Variants in DYSF observed in about 807,000 individuals in gnomAD.
DYSF encodes the protein dystrophy-associated fer-1-like 1.
DYSF carries 212 observed loss-of-function variants against 274.9 expected under a neutral mutation model. That is an observed-to-expected ratio of 0.77 (90% CI 0.69 to 0.86). The LOEUF is 0.86. DYSF is among the 40% of genes least tolerant of loss of function. The pLI, the probability that DYSF is intolerant of heterozygous loss-of-function variation, is 0.00. For missense variants in DYSF, 2,666 were observed against 2,783.2 expected, an observed-to-expected ratio of 0.96 and a Z score of 0.95; for synonymous variants, 1,091 against 1,078.7, an observed-to-expected ratio of 1.01 and a Z score of -0.22.
intron 24 of DYSF, among the ~76,000 whole-genome samples, chr2:71,564,744 T>C (rs1334972435): frequency 2.0e-5 from 3 of 152,186 alleles, no homozygotes; most frequent in African/African-American, 4.8e-5. Flanking sequence ...TGTCCCCTGG[T>C]CTCACCAGCC....
chr2:71,473,768 T>C (rs1362800815), intron 1 of DYSF, among the ~76,000 whole-genome samples: 1 of 152,184 alleles, frequency 6.6e-6, no homozygotes, highest in East Asian at 1.9e-4. Flanking sequence ...CATTTTTAAG[T>C]ATACAGTTCT....
intron 17 of DYSF, among the ~76,000 whole-genome samples, chr2:71,545,106 T>C (rs1374953709): frequency 2.0e-5 from 3 of 151,734 alleles, no homozygotes; most frequent in Non-Finnish European, 4.4e-5. Flanking sequence ...TAGGAGGAGG[T>C]GTCTTAGGCT....
intron 22 of DYSF, among the ~76,000 whole-genome samples, chr2:71,560,659 G>A (rs1170675605): frequency 2.6e-5 from 4 of 152,268 alleles, no homozygotes. Flanking sequence ...GCCTGCCAGA[G>A]CGGTGTATCT....
At position 71,669,714 on chromosome 2, in the gene DYSF, C is replaced by G. The variant is rs951145177; in HGVS notation, c.5752C>G (p.Pro1918Ala). 1.2e-6 allele frequency: 2 copies of G among 1,614,228 alleles called. No homozygotes were observed. The change falls in exon 51 of 56, where the codon CCA (proline) becomes GCA (alanine). Residue 1918 changes from proline to alanine, a missense_variant. This residue lies in a region of DYSF where 1,460 missense variants were observed against 1,502.1 expected (regional missense o/e 0.97). Coordinates refer to ENST00000410020, the MANE Select transcript of DYSF (RefSeq NM_001130987.2). ...WRFIFPFDYL[P>A]AEQVCTIAKK... ...GTTCATTTTCCCCTTCGACTACCTGCCAGCTGAGCAAGTCTGTACCATTGC... is the reference window on the plus strand; with the variant it reads ...GTTCATTTTCCCCTTCGACTACCTGGCAGCTGAGCAAGTCTGTACCATTGC...
At chr2:71,665,067 A>G in intron 46 of DYSF, 95 bp from the exon 47 acceptor site, 4 of 1,588,198 alleles carry the variant, frequency 2.5e-6, no homozygotes, top group South Asian at 1.1e-5. Flanking sequence ...GGAGTGGGCA[A>G]TGCTGTACAT....
chr2:71,511,137 G>T (rs1030663137), intron 4 of DYSF, among the ~76,000 whole-genome samples: 1 of 152,200 alleles, frequency 6.6e-6, no homozygotes, highest in African/African-American at 2.4e-5. Context: ...TGGGGTGGGC[G>T]CATGGGCAAC....
At chr2:71,663,184 C>T (rs1191347018) in intron 45 of DYSF, among the ~76,000 whole-genome samples, 1 of 152,144 alleles carries the variant, frequency 6.6e-6, no homozygotes, top group Non-Finnish European at 1.5e-5. Flanking sequence ...TCTCATGTGC[C>T]CACCACCGCT....
At chr2:71,569,076 A>G (rs1037178065) in intron 26 of DYSF, among the ~76,000 whole-genome samples, 1 of 151,172 alleles carries the variant, frequency 6.6e-6, no homozygotes, top group Non-Finnish European at 1.5e-5. Context: ...AGGTTTCACC[A>G]TGTTAGCCAG....
rs535831045 is a variant in DYSF at position 71,602,791 on chromosome 2, A to G, written c.3943A>G (p.Arg1315Gly). The G allele has an allele frequency of 2.2e-5, 35 of 1,613,324 alleles. No homozygotes were observed. In the South Asian group the frequency reaches 3.7e-4, roughly 17 times the overall value. ...TGTGGGCCAGGTGCAGGAGACATCA[A>G]GGATCCTGGATGAGGTGAGCTGGGC... ...IPGFEVQETS[R>G]ILDESEDTDL... Residue 1315 changes from arginine (R) to glycine (G), a missense_variant, in exon 36 of 56, where the codon AGG becomes GGG. Arg to Gly is a moderately radical substitution (Grantham distance 125). This residue lies in a region of DYSF where 1,460 missense variants were observed against 1,502.1 expected (regional missense o/e 0.97). Transcript: ENST00000410020.
rs867929621 is a variant in DYSF, at chr2:71,669,654, C to T, written c.5692C>T (p.Arg1898Cys). The T allele has an allele frequency of 1.9e-6, 3 of 1,614,188 alleles. No individual in the cohort carries two copies. The highest frequency in any genetic ancestry group is 2.5e-6 in the Non-Finnish European group (3 of 1,180,038). ...EHKQKTDVHY[R>C]SLGGEGNFNW... is the part of the protein sequence containing the mutation. ...CAAGCAAAAGACAGACGTGCATTAT[C>T]GTTCCCTGGGAGGTGAAGGCAACTT... Residue 1898 changes from arginine (R) to cysteine (C), a missense_variant, in exon 51 of 56, where the codon CGT becomes TGT. Transcript: ENST00000410020.
chr2:71,503,354 C>T, intron 4 of DYSF, 35 bp downstream of exon 4: 1 of 1,605,830 alleles, frequency 6.2e-7, no homozygotes, highest in Non-Finnish European at 8.5e-7. Context: ...GGTTAAGGTC[C>T]AAGGCATTGC....
At chr2:71,547,328 T>G (rs1468460287) in intron 17 of DYSF, among the ~76,000 whole-genome samples, 2 of 152,214 alleles carry the variant, frequency 1.3e-5, no homozygotes, top group Non-Finnish European at 2.9e-5. Flanking sequence ...TGGTTAGGCT[T>G]GCTGAATGAA....
intron 1 of DYSF, among the ~76,000 whole-genome samples, chr2:71,470,712 TCTTCCTTCTTTCCTTC>T (rs1365440570): frequency 5.5e-5 from 7 of 128,258 alleles, no homozygotes; most frequent in Admixed American, 7.6e-5. Context: ...CTTTCTCTTC[TCTTCCTTCTTTCCTTC>T]CTTCCTTCTT....
chr2:71,567,852 G>A, intron 24 of DYSF, 99 bp from the exon 25 acceptor site: 1 of 1,550,320 alleles, frequency 6.5e-7, no homozygotes, highest in African/African-American at 1.4e-5. Flanking sequence ...GTGTCAGCCT[G>A]CTCTACCCAG....
At chr2:71,566,105 C>T (rs1285021170) in intron 24 of DYSF, among the ~76,000 whole-genome samples, 1 of 152,166 alleles carries the variant, frequency 6.6e-6, no homozygotes, top group South Asian at 2.1e-4. Flanking sequence ...CAGAGCCTAA[C>T]CTCTGAGAGT....
chr2:71,636,373 G>A (rs1000341202), intron 41 of DYSF, among the ~76,000 whole-genome samples: 10 of 152,114 alleles, frequency 6.6e-5, no homozygotes, highest in Non-Finnish European at 1.2e-4. Context: ...GATGGGGCTG[G>A]ACTGGGGCGG....
At chr2:71,676,334 T>A (rs1435543147) in intron 52 of DYSF, among the ~76,000 whole-genome samples, 3 of 152,126 alleles carry the variant, frequency 2.0e-5, no homozygotes, top group Non-Finnish European at 4.4e-5. Flanking sequence ...TAAAAAAAAA[T>A]TGCCAATAAG....
chr2:71,567,871 G>A, intron 24 of DYSF, 80 bp from the exon 25 acceptor site: 2 of 1,584,052 alleles, frequency 1.3e-6, no homozygotes, highest in East Asian at 2.2e-5. Flanking sequence ...AGGCTTGGAG[G>A]ACTCCTCCTC....
chr2:71,601,479 C>A lies in DYSF; in HGVS notation c.3898-20C>A, dbSNP rs749258720. On this transcript the variant is annotated intron_variant, in intron 34 of 55. Transcript: ENST00000410020. Reference sequence around the variant, plus strand: ...TTAGGTGACAAGCACATGACCAGAGCTCTCTTTTCTTCACTCCAGCCGGCC... The same window carrying A: ...TTAGGTGACAAGCACATGACCAGAGATCTCTTTTCTTCACTCCAGCCGGCC... 2 of 1,614,190 alleles carry A rather than the reference C, an allele frequency of 1.2e-6. No individual in the cohort carries two copies. The highest frequency in any genetic ancestry group is 1.6e-4 in the Middle Eastern group (1 of 6,062).
Sources: gnomAD v4.1 joint callset for allele counts (sites outside exome capture counted in the v4.1 genomes callset) on GRCh38, gnomAD v4.1.1 for gene constraint, gnomAD v4.1.1 regional missense constraint, MANE v1.5 for transcripts, NCBI Gene and HGNC (gene_info 2026-07-23, HGNC 2026-07-21) for gene names.